IBTK: variants seen among roughly 807,000 people sequenced by gnomAD.
IBTK encodes inhibitor of Bruton tyrosine kinase.
IBTK carries 83 observed loss-of-function variants against 154.9 expected under a neutral mutation model. That is an observed-to-expected ratio of 0.54 (90% CI 0.45 to 0.64). The LOEUF is 0.64. IBTK is among the 30% of genes least tolerant of loss of function. The pLI is 0.00. For missense variants in IBTK, 1,332 were observed against 1,584.6 expected (o/e 0.84, Z 2.71); for synonymous variants, 515 against 536.1 (o/e 0.96, Z 0.54).
Position 82,210,859 on chromosome 6 carries a change from CT to C in IBTK, c.2463del (p.Val822LeufsTer13). ...LEMPIHSDIL[K>X]VILDYLYTDE... Reference sequence around the variant, plus strand: ...TCAGTATAGAGGTAGTCCAAAATAACTTTTAATATATCAGAATGTATTGGCA... The same window carrying C: ...TCAGTATAGAGGTAGTCCAAAATAACTTTAATATATCAGAATGTATTGGCA... On this transcript the variant is annotated frameshift_variant, in exon 16 of 29. Transcript: ENST00000306270. LOFTEE classifies it high-confidence loss of function. 6.3e-7 allele frequency: 1 copy of C among 1,579,718 alleles called. No individual in the cohort carries two copies. The highest frequency in any genetic ancestry group is 8.6e-7 in the Non-Finnish European group (1 of 1,164,118).
chr6:82,220,720 GAAAA>G lies in IBTK; in HGVS notation c.1125-11_1125-8del. The G allele has an allele frequency of 7.9e-7, 1 of 1,259,272 alleles. No homozygotes were observed. Among genetic ancestry groups the G allele is most frequent in the Admixed American group, 2.6e-5 (1 of 38,132 alleles). 78.0% of individuals were successfully genotyped at this position (1,259,272 alleles called of 1,614,324 possible). A position where few individuals can be genotyped will look rare whatever the true frequency, so the allele number is the denominator to read the frequency against. ...TTTTTTCAAGTTCAACTGTCTAGAT[GAAAA>G]AAAAAAAAATCCTAGATTAATATGT... On this transcript the variant is annotated splice_region_variant and splice_polypyrimidine_tract_variant and intron_variant, in intron 8 of 28. Transcript: ENST00000306270.
At chr6:82,219,009 A>G (rs536056027) in intron 9 of IBTK, among the ~76,000 whole-genome samples, 1 of 152,332 alleles carries the variant, frequency 6.6e-6, no homozygotes, top group East Asian at 1.9e-4. Context: ...ATCCATTTCA[A>G]TGTAAGTGAT....
chr6:82,203,050 A>G (rs1472621136), intron 17 of IBTK, among the ~76,000 whole-genome samples: 1 of 151,864 alleles, frequency 6.6e-6, no homozygotes, highest in Non-Finnish European at 1.5e-5. Context: ...ACTAAAAAAG[A>G]TATAAAACTA....
intron 12 of IBTK, among the ~76,000 whole-genome samples, chr6:82,213,733 C>T (rs538796223): frequency 6.6e-6 from 1 of 152,228 alleles, no homozygotes; most frequent in South Asian, 2.1e-4. Context: ...AGTTCAAACC[C>T]ACCAACAGCT....
intron 27 of IBTK, 90 bp from the exon 28 acceptor site, chr6:82,172,602 T>C (rs1767966635): frequency 8.5e-7 from 1 of 1,180,188 alleles, no homozygotes; most frequent in African/African-American, 1.6e-5. Flanking sequence ...AATGCTACAA[T>C]TCTTTCCAGT....
intron 16 of IBTK, among the ~76,000 whole-genome samples, chr6:82,209,096 A>T (rs1314302160): frequency 6.6e-6 from 1 of 152,208 alleles, no homozygotes. Context: ...AAGTGCTTGC[A>T]AGGATGTGGA....
chr6:82,221,381 T>C (rs115465049), intron 8 of IBTK, among the ~76,000 whole-genome samples: 3 of 152,142 alleles, frequency 2.0e-5, no homozygotes, highest in South Asian at 4.1e-4. Flanking sequence ...CCTAAGTGCA[T>C]CTCTATTTTA....
At chr6:82,227,388 G>A in intron 4 of IBTK, 86 bp from the exon 5 acceptor site, 1 of 724,522 alleles carries the variant, frequency 1.4e-6, no homozygotes. Context: ...ATTGTTAATT[G>A]TTTAAACAGG....
intron 21 of IBTK, among the ~76,000 whole-genome samples, chr6:82,199,210 A>T (rs1464993583): frequency 6.6e-6 from 1 of 151,982 alleles, no homozygotes; most frequent in Non-Finnish European, 1.5e-5. Context: ...TTCCAAGTGG[A>T]ACAATTTTTT....
chr6:82,243,153 A>G (rs1256479527), intron 1 of IBTK, among the ~76,000 whole-genome samples: 1 of 151,436 alleles, frequency 6.6e-6, no homozygotes, highest in Admixed American at 6.6e-5. Context: ...AGGCAGGAGA[A>G]TGGCGTGAAC....
At chr6:82,215,041 A>T (rs1582228079) in intron 11 of IBTK, among the ~76,000 whole-genome samples, 1 of 152,066 alleles carries the variant, frequency 6.6e-6, no homozygotes, top group East Asian at 1.9e-4. Context: ...TTTATATTCT[A>T]TTCTTCTCTC....
intron 21 of IBTK, among the ~76,000 whole-genome samples, chr6:82,199,383 T>G (rs1769116007): frequency 6.6e-6 from 1 of 152,188 alleles, no homozygotes; most frequent in Non-Finnish European, 1.5e-5. Context: ...GGTATTTTTC[T>G]TTCATCTTTT....
chr6:82,176,769 A>G (rs1290561566), intron 26 of IBTK, among the ~76,000 whole-genome samples: 1 of 152,140 alleles, frequency 6.6e-6, no homozygotes, highest in Non-Finnish European at 1.5e-5. Context: ...ACAAGAATGT[A>G]TAATTTGTGG....
chr6:82,181,667 T>C (rs543947114), intron 26 of IBTK, among the ~76,000 whole-genome samples: 2 of 142,144 alleles, frequency 1.4e-5, no homozygotes, highest in South Asian at 4.5e-4. Context: ...ACTTTAAATA[T>C]ACGCAATTGA....
chr6:82,213,797 T>G (rs1377780329), intron 12 of IBTK, among the ~76,000 whole-genome samples: 1 of 150,732 alleles, frequency 6.6e-6, no homozygotes. Flanking sequence ...TGCCCGCAAA[T>G]GGAGGAAAGA....
intron 17 of IBTK, among the ~76,000 whole-genome samples, chr6:82,203,942 G>C (rs1769305444): frequency 6.6e-6 from 1 of 152,120 alleles, no homozygotes; most frequent in Non-Finnish European, 1.5e-5. Context: ...CAAACTCCTA[G>C]CAAGTATGAA....
At chr6:82,226,624 G>C (rs1245392076) in intron 5 of IBTK, among the ~76,000 whole-genome samples, 1 of 123,820 alleles carries the variant, frequency 8.1e-6, no homozygotes, top group Admixed American at 8.2e-5. Context: ...TTTTCTTTTT[G>C]AGACGGAGTT....
At chr6:82,178,347 G>T (rs6908373) in intron 26 of IBTK, among the ~76,000 whole-genome samples, 8 of 151,890 alleles carry the variant, frequency 5.3e-5, no homozygotes, top group African/African-American at 1.9e-4. Context: ...ATGACAAATC[G>T]TTATATATCT....
intron 6 of IBTK, among the ~76,000 whole-genome samples, chr6:82,224,587 G>GT (rs1315074191): frequency 6.6e-6 from 1 of 152,140 alleles, no homozygotes; most frequent in East Asian, 1.9e-4. Flanking sequence ...TGGGCTAGAT[G>GT]TTTTTTTGTC....
Sources: gnomAD v4.1 joint callset for allele counts (sites outside exome capture counted in the v4.1 genomes callset) on GRCh38, gnomAD v4.1.1 for gene constraint, MANE v1.5 for transcripts, NCBI Gene and HGNC (gene_info 2026-07-23, HGNC 2026-07-21) for gene names.